COL25A1: variants seen among roughly 807,000 people sequenced by gnomAD.
COL25A1 encodes collagen alpha-1(XXV) chain.
A neutral mutation model predicts 128.4 loss-of-function variants in COL25A1; 103 were observed. That is an observed-to-expected ratio of 0.80 (90% confidence interval 0.68 to 0.94). The LOEUF (loss-of-function observed/expected upper bound fraction) is 0.94, where lower values mean the gene tolerates loss of function less well. COL25A1 is among the 40% of genes least tolerant of loss of function. COL25A1 has a pLI of 0.00. For missense variants in COL25A1, 745 were observed against 840.0 expected (o/e 0.89, Z 1.40); for synonymous variants, 279 against 277.2 (o/e 1.01, Z -0.06).
intron 5 of COL25A1, among the ~76,000 whole-genome samples, chr4:109,044,202 G>A (rs1428890868): frequency 2.0e-5 from 3 of 151,670 alleles, no homozygotes; most frequent in Non-Finnish European, 4.4e-5. Flanking sequence ...TTGATACACG[G>A]GATCTAATTC....
At chr4:109,244,658 C>T (rs2126235117) in intron 3 of COL25A1, among the ~76,000 whole-genome samples, 1 of 152,234 alleles carries the variant, frequency 6.6e-6, no homozygotes, top group East Asian at 1.9e-4. Flanking sequence ...TGTTATCATT[C>T]TTCACTTGAG....
intron 3 of COL25A1, among the ~76,000 whole-genome samples, chr4:109,121,312 C>G (rs1369167140): frequency 6.6e-6 from 1 of 151,950 alleles, no homozygotes; most frequent in Non-Finnish European, 1.5e-5. Context: ...TTAAAATCTA[C>G]TCTGTGAAAA....
intron 3 of COL25A1, among the ~76,000 whole-genome samples, chr4:109,115,012 T>C (rs775707889): frequency 1.2e-4 from 18 of 152,020 alleles, no homozygotes; most frequent in Admixed American, 2.0e-4. Context: ...AAGCAGGATG[T>C]TATTAAAAAT....
chr4:109,302,119 T>C, intron 1 of COL25A1, 44 bp from the exon 2 acceptor site: 2 of 1,402,040 alleles, frequency 1.4e-6, no homozygotes, highest in South Asian at 2.9e-5. Context: ...GTTCAGTCCC[T>C]GTGGCTGCAC....
chr4:108,889,255 C>T lies in COL25A1; in HGVS notation c.941G>A (p.Gly314Glu). 1 of 1,613,598 alleles carries T rather than the reference C, an allele frequency of 6.2e-7. No individual in the cohort carries two copies. The highest frequency in any genetic ancestry group is 8.5e-7 in the Non-Finnish European group (1 of 1,179,634). ...TGGACGACCAGATTCCCCAGGTTCT[C>T]CCTGGCCAAAGAAAACCAAAGATGA... ...DPGSSAAGIKGEPGESGRPGQ... is the reference protein window; with the variant it reads ...DPGSSAAGIKEEPGESGRPGQ... Residue 314 changes from glycine (G) to glutamate (E), a missense_variant and splice_region_variant, in exon 18 of 38, where the codon GGA becomes GAA. By Grantham distance (98) the Gly-to-Glu change is moderately conservative. Coordinates refer to ENST00000399132, the MANE Select transcript of COL25A1 (RefSeq NM_198721.4).
In COL25A1 at chr4:109,209,746, T is replaced by C. The variant is rs78804186; in HGVS notation, c.367+90837A>G. On this transcript the variant is annotated intron_variant, in intron 3 of 37. Coordinates refer to ENST00000399132, the MANE Select transcript of COL25A1 (RefSeq NM_198721.4). ...CTGTATCTTATGTTTTCATTGGAAA[T>C]ACTTGCTCTCAAGAGTAAACCTCAA... is the stretch of plus-strand genomic sequence containing the variant. 0.011 allele frequency among the ~76,000 whole-genome samples: 1,634 copies of C among 152,184 alleles called. 60 individuals carry two copies. The South Asian group carries it at 0.14, about 13-fold the overall frequency.
Position 108,995,997 on chromosome 4 carries a change from C to T in COL25A1, c.438+14361G>A, listed in dbSNP as rs112294856. ...TAAATATGGAAAGGAACAACCGGTA[C>T]CAGCCACTGCAAAAACACGACAAAC... On this transcript the variant is annotated intron_variant, in intron 6 of 37. Transcript: ENST00000399132. Among the ~76,000 whole-genome samples the T allele has an allele frequency of 2.6e-3, 401 of 152,194 alleles. 1 individual carries two copies. The highest frequency in any genetic ancestry group is 9.3e-3 in the African/African-American group (385 of 41,524).
chr4:108,937,662 A>C (rs545964259), intron 11 of COL25A1, 146 bp downstream of exon 11: 3 of 579,258 alleles, frequency 5.2e-6, no homozygotes, highest in South Asian at 5.1e-5. Context: ...ATTAGCATGT[A>C]GTAGGCCATA....
intron 5 of COL25A1, among the ~76,000 whole-genome samples, chr4:109,013,843 G>A (rs115980971): frequency 0.053 from 8,024 of 152,168 alleles, 279 homozygotes; most frequent in African/African-American, 0.092. Context: ...CACTCACCAT[G>A]AGAATCCGTG....
At chr4:109,001,297 G>A (rs964522686) in intron 6 of COL25A1, among the ~76,000 whole-genome samples, 3 of 149,948 alleles carry the variant, frequency 2.0e-5, no homozygotes, top group Admixed American at 6.8e-5. Context: ...CCTCCCTGCA[G>A]CAATGAGTGG....
intron 3 of COL25A1, among the ~76,000 whole-genome samples, chr4:109,075,606 T>C (rs1183040645): frequency 1.3e-5 from 2 of 152,246 alleles, no homozygotes; most frequent in East Asian, 3.9e-4. Flanking sequence ...AGATTATACT[T>C]TCTTTCTCAA....
chr4:108,843,213 A>C, intron 30 of COL25A1, among the ~76,000 whole-genome samples: 1 of 151,984 alleles, frequency 6.6e-6, no homozygotes, highest in Admixed American at 6.6e-5. Context: ...AGAAGGAAGA[A>C]AGAAGAAGAA....
chr4:109,253,367 A>T (rs1560934223), intron 3 of COL25A1, among the ~76,000 whole-genome samples: 1 of 152,154 alleles, frequency 6.6e-6, no homozygotes, highest in African/African-American at 2.4e-5. Flanking sequence ...CCAAAGGTAT[A>T]AGCTGCAGTC....
intron 3 of COL25A1, among the ~76,000 whole-genome samples, chr4:109,183,298 G>GA (rs984677512): frequency 6.6e-6 from 1 of 151,740 alleles, no homozygotes; most frequent in Non-Finnish European, 1.5e-5. Flanking sequence ...CTACAAAGGA[G>GA]AAAAAAGAGA....
At chr4:108,994,134 C>G (rs11098023) in intron 6 of COL25A1, among the ~76,000 whole-genome samples, 121,105 of 152,146 alleles carry the variant, frequency 0.8, 49,369 homozygotes, top group East Asian at 1. Context: ...CAGAGGGCTA[C>G]CTGAAGCAGG....
rs1490273453 is a variant in COL25A1 at position 108,999,355 on chromosome 4, A to G, written c.438+11003T>C. Among the ~76,000 whole-genome samples the G allele has an allele frequency of 3.9e-5, 6 of 152,360 alleles. No individual in the cohort carries two copies. In the East Asian group the frequency reaches 9.6e-4, roughly 24 times the overall value. ...GAAGACATTTATGCAGCCAACAGAC[A>G]TATGAAAAAATGGTCATCATCACTG... On this transcript the variant is annotated intron_variant, in intron 6 of 37. Coordinates refer to ENST00000399132, the MANE Select transcript of COL25A1 (RefSeq NM_198721.4).
intron 28 of COL25A1, 137 bp downstream of exon 28, chr4:108,846,002 A>C: frequency 1.7e-6 from 1 of 594,720 alleles, no homozygotes; most frequent in South Asian, 2.5e-5. Flanking sequence ...TAATACCTCA[A>C]ATATTTCAAA....
At chr4:109,180,038 G>A (rs1774479495) in intron 3 of COL25A1, among the ~76,000 whole-genome samples, 1 of 152,174 alleles carries the variant, frequency 6.6e-6, no homozygotes, top group African/African-American at 2.4e-5. Context: ...CATCAATGTT[G>A]TTAGAAGCAT....
chr4:109,015,747 A>G (rs868556022), intron 5 of COL25A1, among the ~76,000 whole-genome samples: 2 of 152,372 alleles, frequency 1.3e-5, no homozygotes, highest in Middle Eastern at 6.8e-3. Context: ...ACAGGAAAGT[A>G]TTCACAGGAG....
Sources: gnomAD v4.1 joint callset for allele counts (sites outside exome capture counted in the v4.1 genomes callset) on GRCh38, gnomAD v4.1.1 for gene constraint, MANE v1.5 for transcripts, NCBI Gene and HGNC (gene_info 2026-07-23, HGNC 2026-07-21) for gene names.